ECM2: variants seen among roughly 807,000 people sequenced by gnomAD.
ECM2 encodes the protein extracellular matrix protein 2.
A neutral mutation model predicts 67.5 loss-of-function variants in ECM2; 57 were observed. The observed-to-expected ratio is 0.84, with a 90% CI of 0.68 to 1.05. The LOEUF is 1.05. Among genes scored for constraint, ECM2 ranks in the 50% least tolerant of loss-of-function variants. The probability of loss-of-function intolerance (pLI) is 0.00; values close to 1 mark genes in which losing one functional copy is unlikely to be tolerated. For missense variants in ECM2, 741 were observed against 822.8 expected, an observed-to-expected ratio of 0.90 and a Z score of 1.22; for synonymous variants, 258 against 294.5, an observed-to-expected ratio of 0.88 and a Z score of 1.27.
intron 5 of ECM2, 99 bp downstream of exon 5, chr9:92,511,912 A>G (rs138817162): frequency 1.1e-5 from 9 of 830,862 alleles, no homozygotes; most frequent in Middle Eastern, 3.0e-4. Context: ...AAGACTACCA[A>G]TTAGAAGCAT....
intron 1 of ECM2, among the ~76,000 whole-genome samples, chr9:92,533,406 C>T (rs2131292662): frequency 7.2e-6 from 1 of 139,162 alleles, no homozygotes; most frequent in South Asian, 2.4e-4. Flanking sequence ...TGCTTGCTTG[C>T]CTCCATTTTG....
At chr9:92,497,449 A>AC (rs1202835632) in intron 9 of ECM2, among the ~76,000 whole-genome samples, 2 of 151,596 alleles carry the variant, frequency 1.3e-5, no homozygotes, top group Admixed American at 1.3e-4. Flanking sequence ...ACATGGAGAA[A>AC]CCCCGTCTCT....
chr9:92,530,958 A>C (rs190021891), intron 1 of ECM2, among the ~76,000 whole-genome samples: 1 of 152,178 alleles, frequency 6.6e-6, no homozygotes, highest in East Asian at 1.9e-4. Flanking sequence ...CTGCTCCTGC[A>C]TGTAATTGCT....
chr9:92,527,886 C>T (rs1362357789), intron 1 of ECM2: 3 of 154,120 alleles, frequency 1.9e-5, no homozygotes, highest in Admixed American at 6.5e-5. Flanking sequence ...AGAAAATGAG[C>T]ATGGTTTTGT....
Position 92,529,579 on chromosome 9 carries a change from G to GA in ECM2, c.-28+6353dup, listed in dbSNP as rs545246475. 1.5e-4 allele frequency among the ~76,000 whole-genome samples: 22 copies of GA among 151,264 alleles called. No individual in the cohort carries two copies. In the South Asian group the frequency reaches 3.6e-3, roughly 25 times the overall value. ...CAACATGTTCTTCAATAGGTGAATG[G>GA]AAAAAAAACTATGGTATATTCAGAC... On this transcript the variant is annotated intron_variant, in intron 1 of 9. Transcript: ENST00000344604.
At chr9:92,504,732 T>C (rs940426730) in intron 7 of ECM2, among the ~76,000 whole-genome samples, 2 of 152,038 alleles carry the variant, frequency 1.3e-5, no homozygotes, top group Non-Finnish European at 2.9e-5. Context: ...AGAGACAAGG[T>C]CTCACTATGT....
chr9:92,532,015 G>GTTTTGTTTTTTT (rs1848797660), intron 1 of ECM2, among the ~76,000 whole-genome samples: 1 of 95,736 alleles, frequency 1.0e-5, no homozygotes, highest in African/African-American at 5.9e-5. Context: ...TTTATTTAAT[G>GTTTTGTTTTTTT]TTTTTTTTTT....
the ECM2 span, among the ~76,000 whole-genome samples, chr9:92,558,359 T>C: frequency 1.3e-5 from 2 of 152,322 alleles, no homozygotes; most frequent in East Asian, 3.9e-4. Context: ...TCTCCTCCTT[T>C]TCCTATGGAT....
chr9:92,552,387 G>A, the ECM2 span, among the ~76,000 whole-genome samples: 2 of 151,998 alleles, frequency 1.3e-5, no homozygotes, highest in African/African-American at 2.4e-5. Context: ...ATCAACTGGT[G>A]GTTCTACTTT....
chr9:92,497,719 A>T lies in ECM2; in HGVS notation c.1932-1236T>A, dbSNP rs144010813. ...GGTTTTTTTGACCCCTCCAAATCTC[A>T]TGTTGAAATTTGATCCCCAGTGTTG... On this transcript the variant is annotated intron_variant, in intron 9 of 9. Coordinates refer to ENST00000344604, the MANE Select transcript of ECM2 (RefSeq NM_001393.4). Among the ~76,000 whole-genome samples the T allele has an allele frequency of 1.4e-3, 210 of 151,530 alleles. No individual in the cohort carries two copies. In the East Asian group the frequency reaches 0.019, roughly 14 times the overall value.
the ECM2 span, among the ~76,000 whole-genome samples, chr9:92,557,815 G>T: frequency 6.6e-6 from 1 of 151,954 alleles, no homozygotes; most frequent in African/African-American, 2.4e-5. Context: ...ACTAATTTTT[G>T]TATTTTTTTA....
At chr9:92,494,252 G>T, downstream of ECM2, 2 of 1,159,362 alleles carry the variant, frequency 1.7e-6, no homozygotes, top group Non-Finnish European at 2.4e-6. Flanking sequence ...TTCAGTTTGA[G>T]CCCCCTTTAA....
chr9:92,541,538 A>AT (rs1471878862), upstream of ECM2, among the ~76,000 whole-genome samples: 238 of 148,574 alleles, frequency 1.6e-3, no homozygotes, highest in African/African-American at 5.5e-3. Flanking sequence ...TTTGAGTTAG[A>AT]TTTTTTTTTA....
At chr9:92,522,383 G>A (rs538244246) in intron 2 of ECM2, among the ~76,000 whole-genome samples, 192 bp downstream of exon 2, 2 of 152,162 alleles carry the variant, frequency 1.3e-5, no homozygotes, top group African/African-American at 4.8e-5. Flanking sequence ...ACCGCGCCTG[G>A]CCCTATTTTT....
At chr9:92,550,350 C>T in the ECM2 span, among the ~76,000 whole-genome samples, 1 of 150,900 alleles carries the variant, frequency 6.6e-6, no homozygotes, top group East Asian at 1.9e-4. Context: ...GAGCCGAGAT[C>T]GTGCCATTGC....
downstream of ECM2, chr9:92,494,209 AT>A (rs1846252516): frequency 6.5e-7 from 1 of 1,542,122 alleles, no homozygotes; most frequent in Non-Finnish European, 8.8e-7. Flanking sequence ...TCTCTGTGTC[AT>A]CCCAAGATGC....
intron 9 of ECM2, among the ~76,000 whole-genome samples, chr9:92,499,457 C>G (rs537421044): frequency 6.6e-6 from 1 of 152,240 alleles, no homozygotes; most frequent in South Asian, 2.1e-4. Context: ...AATAAGAATT[C>G]AAACAACATT....
At chr9:92,502,410 C>T (rs751491095) in intron 8 of ECM2, 103 bp downstream of exon 8, 8 of 1,399,796 alleles carry the variant, frequency 5.7e-6, no homozygotes, top group Admixed American at 2.1e-5. Context: ...CCTTCAGTAT[C>T]GTCACCTCCC....
intron 7 of ECM2, 150 bp from the exon 8 acceptor site, chr9:92,502,802 G>GTA: frequency 1.8e-5 from 7 of 384,804 alleles, no homozygotes; most frequent in South Asian, 5.3e-5. Flanking sequence ...TTTTTAAGTT[G>GTA]TCTTTTTTTT....
Sources: allele counts gnomAD v4.1 joint callset (sites outside exome capture counted in the v4.1 genomes callset), GRCh38; gene constraint gnomAD v4.1.1; transcripts MANE v1.5; gene names NCBI Gene and HGNC (gene_info 2026-07-23, HGNC 2026-07-21).